Variants in ZNF33A observed in about 807,000 individuals in gnomAD.
The protein encoded by ZNF33A is zinc finger protein 33A.
In ZNF33A, 9 loss-of-function variants were observed where a neutral mutation model predicts 15.9. The observed-to-expected ratio is 0.57, with a 90% CI of 0.34 to 0.99. ZNF33A has a LOEUF of 0.99. Among genes scored for constraint, ZNF33A ranks in the 50% least tolerant of loss-of-function variants. ZNF33A has a pLI of 0.02. For synonymous variants in ZNF33A, 294 were observed against 324.2 expected (o/e 0.91, Z 1.00); for missense variants, 843 against 941.6 (o/e 0.90, Z 1.37).
At chr10:38,023,645 A>G (rs1253999785) in intron 4 of ZNF33A, among the ~76,000 whole-genome samples, 1 of 152,220 alleles carries the variant, frequency 6.6e-6, no homozygotes, top group African/African-American at 2.4e-5. Context: ...AAATATTTAT[A>G]GCAAATATAT....
chr10:38,039,265 C>T (rs1590618318), intron 4 of ZNF33A: 1 of 252,104 alleles, frequency 4.0e-6, no homozygotes, highest in East Asian at 1.1e-4. Context: ...ACTATATTGC[C>T]CAGGCTGGAG....
At chr10:38,022,918 T>C (rs1251557816) in intron 4 of ZNF33A, among the ~76,000 whole-genome samples, 1 of 152,140 alleles carries the variant, frequency 6.6e-6, no homozygotes, top group Non-Finnish European at 1.5e-5. Context: ...TTTTACACAA[T>C]GTCCTCAGAA....
chr10:38,011,320 C>G (rs755414833), intron 1 of ZNF33A, among the ~76,000 whole-genome samples: 7 of 152,204 alleles, frequency 4.6e-5, no homozygotes, highest in Non-Finnish European at 7.3e-5. Context: ...CGCGGTGGCT[C>G]TCGCCTGTAA....
At chr10:38,023,984 C>A (rs1232480838) in intron 4 of ZNF33A, among the ~76,000 whole-genome samples, 3 of 151,680 alleles carry the variant, frequency 2.0e-5, no homozygotes, top group Admixed American at 6.6e-5. Flanking sequence ...TATGGAGAAA[C>A]CCCATCTCTA....
intron 4 of ZNF33A, among the ~76,000 whole-genome samples, chr10:38,022,455 G>T (rs932756223): frequency 6.6e-6 from 1 of 151,882 alleles, no homozygotes; most frequent in Non-Finnish European, 1.5e-5. Flanking sequence ...TCAAGAGTTC[G>T]TGACCACCCT....
At chr10:38,049,842 T>C (rs2066118751) in intron 4 of ZNF33A, among the ~76,000 whole-genome samples, 1 of 152,058 alleles carries the variant, frequency 6.6e-6, no homozygotes, top group Admixed American at 6.5e-5. Flanking sequence ...ATCGATAAAA[T>C]GGATAAACTT....
At chr10:38,017,449 C>G in intron 4 of ZNF33A, 63 bp downstream of exon 4, 2 of 1,324,524 alleles carry the variant, frequency 1.5e-6, no homozygotes, top group Non-Finnish European at 2.1e-6. Flanking sequence ...GTAGTTAATT[C>G]AGGGTTTGGC....
intron 4 of ZNF33A, among the ~76,000 whole-genome samples, chr10:38,032,650 C>G (rs1318964313): frequency 6.6e-6 from 1 of 151,914 alleles, no homozygotes. Context: ...TACATTTTCA[C>G]CATGTTGGCC....
At chr10:38,044,868 A>G (rs2065884012) in intron 4 of ZNF33A, among the ~76,000 whole-genome samples, 1 of 151,880 alleles carries the variant, frequency 6.6e-6, no homozygotes, top group African/African-American at 2.4e-5. Flanking sequence ...GGGTTTCACC[A>G]TGTTGACCAG....
chr10:38,010,856 G>A, intron 1 of ZNF33A, 73 bp downstream of exon 1: 2 of 1,569,098 alleles, frequency 1.3e-6, no homozygotes, highest in Admixed American at 1.7e-5. Flanking sequence ...GCAGGGGGCC[G>A]GTACCAAGTG....
rs753334781 is a variant in ZNF33A at position 38,010,825 on chromosome 10, G to GC, written c.-45+43dup. The GC allele has an allele frequency of 1.9e-6, 3 of 1,595,780 alleles. No homozygotes were observed. In the African/African-American group the frequency reaches 4.0e-5, roughly 21 times the overall value. On this transcript the variant is annotated intron_variant, in intron 1 of 4. Coordinates refer to ENST00000432900, the MANE Select transcript of ZNF33A (RefSeq NM_006954.2). ...TGGGCAGGGAGAGAGAGGGAGCCCC[G>GC]CGCGACTCCTGGGGCGGGCGGCAGG...
At chr10:38,033,927 G>T (rs2065328353) in intron 4 of ZNF33A, among the ~76,000 whole-genome samples, 1 of 151,840 alleles carries the variant, frequency 6.6e-6, no homozygotes, top group South Asian at 2.1e-4. Flanking sequence ...TGGCCAGGCT[G>T]GACTTGAACT....
intron 2 of ZNF33A, among the ~76,000 whole-genome samples, chr10:38,013,090 A>T (rs1350383577): frequency 6.6e-6 from 1 of 152,156 alleles, no homozygotes; most frequent in Non-Finnish European, 1.5e-5. Flanking sequence ...TTTGATCAGT[A>T]AATTAAAATG....
rs140442114 is a variant in ZNF33A, at chr10:38,051,579, T to C, written c.251-2796T>C. Among the ~76,000 whole-genome samples, 1,408 of 152,242 alleles carry C rather than the reference T, an allele frequency of 9.2e-3. 22 individuals carry two copies. Among genetic ancestry groups the C allele is most frequent in the African/African-American group, 0.032 (1,346 of 41,552 alleles). ...GCAAAAAGAGGGCCAGAAAATCTTA[T>C]GATCAATCAAGATATCATATTAAAA... On this transcript the variant is annotated intron_variant, in intron 4 of 4. Coordinates refer to ENST00000432900, the MANE Select transcript of ZNF33A (RefSeq NM_006954.2).
At chr10:38,034,882 C>T (rs907204366) in intron 4 of ZNF33A, among the ~76,000 whole-genome samples, 4 of 152,136 alleles carry the variant, frequency 2.6e-5, no homozygotes, top group Admixed American at 2.0e-4. Flanking sequence ...GTGGCCATCT[C>T]AGCTGACAGA....
intron 4 of ZNF33A, among the ~76,000 whole-genome samples, chr10:38,032,390 G>C (rs1171668219): frequency 6.6e-6 from 1 of 152,146 alleles, no homozygotes. Flanking sequence ...AATTTTACGT[G>C]TATAAATCAA....
chr10:38,051,802 A>T (rs1190831293), intron 4 of ZNF33A, among the ~76,000 whole-genome samples: 1 of 152,008 alleles, frequency 6.6e-6, no homozygotes, highest in Non-Finnish European at 1.5e-5. Context: ...TCACATTTTT[A>T]TTTTGCACTG....
intron 4 of ZNF33A, among the ~76,000 whole-genome samples, chr10:38,024,329 TTAAA>T (rs2064891946): frequency 6.6e-6 from 1 of 152,100 alleles, no homozygotes; most frequent in African/African-American, 2.4e-5. Context: ...CCATAGAAAA[TTAAA>T]TAGTTTGGTA....
chr10:38,031,046 A>G (rs1039465200), intron 4 of ZNF33A, among the ~76,000 whole-genome samples: 6 of 152,198 alleles, frequency 3.9e-5, no homozygotes, highest in African/African-American at 1.4e-4. Flanking sequence ...CTGTATCACC[A>G]ATGTTGTGAT....
Sources: allele counts gnomAD v4.1 joint callset (sites outside exome capture counted in the v4.1 genomes callset), GRCh38; gene constraint gnomAD v4.1.1; transcripts MANE v1.5; gene names NCBI Gene and HGNC (gene_info 2026-07-23, HGNC 2026-07-21).